Variants in LMF1 observed in about 807,000 individuals in gnomAD.
The protein encoded by LMF1 is lipase maturation factor 1, also known as transmembrane protein 112.
A neutral mutation model predicts 60.6 loss-of-function variants in LMF1; 68 were observed. The observed-to-expected ratio is 1.12, with a 90% confidence interval of 0.92 to 1.37. The LOEUF is 1.37. Ranked by LOEUF, LMF1 falls within the 40% of genes most tolerant of loss-of-function variation. The probability of loss-of-function intolerance (pLI) is 0.00; values close to 1 mark genes in which losing one functional copy is unlikely to be tolerated. For synonymous variants in LMF1, 418 were observed against 324.7 expected, an observed-to-expected ratio of 1.29 and a Z score of -3.09; for missense variants, 948 against 767.2, an observed-to-expected ratio of 1.24 and a Z score of -2.78.
chr16:907,269 C>A (rs572084669), intron 4 of LMF1, among the ~76,000 whole-genome samples: 2 of 152,034 alleles, frequency 1.3e-5, no homozygotes, highest in African/African-American at 4.8e-5. Context: ...GGCGTGATGG[C>A]AGGTTCCTGT....
intron 10 of LMF1, among the ~76,000 whole-genome samples, chr16:862,132 A>C (rs1276073585): frequency 6.6e-6 from 1 of 151,954 alleles, no homozygotes; most frequent in Non-Finnish European, 1.5e-5. Flanking sequence ...CTACTTGGTC[A>C]TGGCATAGAA....
chr16:979,256 G>C (rs1012290571), intron 1 of LMF1: 1 of 370,614 alleles, frequency 2.7e-6, no homozygotes, highest in Non-Finnish European at 5.4e-6. Flanking sequence ...GGGACTTCAA[G>C]GTGGACCAGA....
At chr16:875,830 G>T (rs1259688617) in intron 6 of LMF1, among the ~76,000 whole-genome samples, 1 of 152,196 alleles carries the variant, frequency 6.6e-6, no homozygotes, top group African/African-American at 2.4e-5. Context: ...CACAGCCCAC[G>T]CAGGAGGTGT....
intron 5 of LMF1, among the ~76,000 whole-genome samples, chr16:892,299 G>A (rs2070512024): frequency 6.6e-6 from 1 of 152,228 alleles, no homozygotes; most frequent in Non-Finnish European, 1.5e-5. Flanking sequence ...GGCCTGAGAT[G>A]CTCTAGGTGC....
intron 3 of LMF1, among the ~76,000 whole-genome samples, chr16:911,481 C>T (rs1038085361): frequency 6.6e-6 from 1 of 151,302 alleles, no homozygotes; most frequent in Non-Finnish European, 1.5e-5. Flanking sequence ...CAGCTTTCAC[C>T]TTCTTCCCAG....
intron 9 of LMF1, 34 bp downstream of exon 9, chr16:869,849 C>T (rs759642086): frequency 2.4e-5 from 38 of 1,596,228 alleles, no homozygotes; most frequent in Middle Eastern, 1.7e-4. Flanking sequence ...GGGGTACAGG[C>T]AGGTCCATGC....
chr16:970,971 C>T lies in LMF1; in HGVS notation c.10G>A (p.Asp4Asn). The T allele has an allele frequency of 6.6e-7, 1 of 1,515,184 alleles. No homozygotes were observed. Among genetic ancestry groups the T allele is most frequent in the Admixed American group, 1.9e-5 (1 of 52,442 alleles). The allele number at this position is 1,515,184 out of a possible 1,614,324, so 93.9% of individuals were successfully genotyped here. A position where few individuals can be genotyped will look rare whatever the true frequency, so the allele number is the denominator to read the frequency against. Residue 4 changes from aspartate to asparagine, a missense_variant, in exon 1 of 11, where the codon GAC becomes AAC. By Grantham distance (23) the Asp-to-Asn change is conservative. Transcript: ENST00000262301. MRP[D>N]SPTMAAPAES... ...GCGGGCGCCGCCATTGTTGGGCTGT[C>T]AGGGCGCATGTGCGGGGAGGGCGCA...
chr16:875,736 G>A (rs1433505643), intron 6 of LMF1, among the ~76,000 whole-genome samples: 1 of 152,260 alleles, frequency 6.6e-6, no homozygotes, highest in East Asian at 1.9e-4. Context: ...GGGTGCCCTT[G>A]GACCGGCCTC....
chr16:980,226 T>A (rs1022434233), intron 1 of LMF1: 2 of 169,320 alleles, frequency 1.2e-5, no homozygotes, highest in African/African-American at 4.8e-5. Context: ...CCCCCTCAGC[T>A]CCGGGCCTGG....
chr16:893,932 A>AG (rs1339023226), intron 4 of LMF1, among the ~76,000 whole-genome samples: 1 of 151,968 alleles, frequency 6.6e-6, no homozygotes, highest in East Asian at 1.9e-4. Context: ...CCTCCATGAC[A>AG]GGGGTTTCTG....
chr16:898,087 G>A (rs1313718828), intron 4 of LMF1, among the ~76,000 whole-genome samples: 1 of 152,226 alleles, frequency 6.6e-6, no homozygotes, highest in Non-Finnish European at 1.5e-5. Context: ...AGGTGGGCCA[G>A]GGTCTCCATG....
At chr16:957,478 A>G (rs2072731509) in intron 1 of LMF1, among the ~76,000 whole-genome samples, 1 of 152,274 alleles carries the variant, frequency 6.6e-6, no homozygotes, top group Non-Finnish European at 1.5e-5. Flanking sequence ...GACCATGTTC[A>G]TGGATTGGAA....
At chr16:981,282 CTGTG>C (rs71142797) in exon 1 of LMF1, 4,673 of 305,302 alleles carry the variant, frequency 0.015, 72 homozygotes, top group African/African-American at 0.038. Context: ...GCGAGACGGG[CTGTG>C]TGTGTGTGTG....
intron 3 of LMF1, among the ~76,000 whole-genome samples, chr16:924,114 T>G (rs1482979186): frequency 1.3e-5 from 2 of 152,154 alleles, no homozygotes; most frequent in East Asian, 3.8e-4. Context: ...ATCAAACTAA[T>G]AAAAATTATA....
chr16:870,959 GCTCC>G (rs1231451440), intron 7 of LMF1, 77 bp from the exon 8 acceptor site: 3 of 1,503,518 alleles, frequency 2.0e-6, no homozygotes, highest in Non-Finnish European at 2.7e-6. Flanking sequence ...CCCAGCTGCT[GCTCC>G]CTAAGGGTCA....
chr16:970,372 GC>G (rs1163011714), intron 1 of LMF1, among the ~76,000 whole-genome samples: 2 of 152,048 alleles, frequency 1.3e-5, no homozygotes, highest in Non-Finnish European at 2.9e-5. Context: ...TCTCCAGGCC[GC>G]CCCCCGCCCC....
intron 10 of LMF1, among the ~76,000 whole-genome samples, chr16:860,100 G>GTATT (rs905366056): frequency 8.0e-5 from 12 of 150,476 alleles, no homozygotes; most frequent in Non-Finnish European, 1.6e-4. Context: ...GATTATTTTA[G>GTATT]TATTAAGTTA....
intron 2 of LMF1, among the ~76,000 whole-genome samples, chr16:948,872 GAGCCAATGACAGAGTC>G (rs1172154218): frequency 5.3e-5 from 4 of 75,786 alleles, no homozygotes; most frequent in Non-Finnish European, 9.5e-5. Context: ...GACAGAGTCA[GAGCCAATGACAGAGTC>G]AGCCAACGAC....
chr16:855,632 C>G (rs572684714), intron 10 of LMF1: 190 of 448,368 alleles, frequency 4.2e-4, no homozygotes, highest in South Asian at 2.9e-3. Context: ...GGAAGCTTCT[C>G]AGCCCACAGG....
Sources: allele counts gnomAD v4.1 joint callset (sites outside exome capture counted in the v4.1 genomes callset), GRCh38; gene constraint gnomAD v4.1.1; transcripts MANE v1.5; gene names NCBI Gene and HGNC (gene_info 2026-07-23, HGNC 2026-07-21).